The following LIMCH1 variants were observed in gnomAD, a reference collection of about 807,000 sequenced individuals.
LIMCH1 encodes LIM and calponin homology domains-containing protein 1.
In LIMCH1, 113 loss-of-function variants were observed where a neutral mutation model predicts 176.5. The ratio of observed to expected loss-of-function variants is 0.64; its 90% CI spans 0.55 to 0.75. The LOEUF (loss-of-function observed/expected upper bound fraction) is 0.75. Among genes scored for constraint, LIMCH1 ranks in the 30% least tolerant of loss-of-function variants. LIMCH1 has a pLI of 0.00. For synonymous variants in LIMCH1, 619 were observed against 645.9 expected, an observed-to-expected ratio of 0.96 and a Z score of 0.63; for missense variants, 1,674 against 1,814.9, an observed-to-expected ratio of 0.92 and a Z score of 1.41.
At position 41,697,151 on chromosome 4, in the gene LIMCH1, T is replaced by C. The variant is rs375548647; in HGVS notation, c.4379-9T>C. The C allele has an allele frequency of 1.2e-6, 2 of 1,613,280 alleles. No homozygotes were observed. Among genetic ancestry groups the C allele is most frequent in the African/African-American group, 1.3e-5 (1 of 74,900 alleles). On this transcript the variant is annotated splice_polypyrimidine_tract_variant and intron_variant, in intron 31 of 31. Coordinates refer to ENST00000503057, the MANE Select transcript of LIMCH1 (RefSeq NM_001330672.2). Reference sequence around the variant, plus strand: ...CACTCTTGTTTGTTGTTGTTTGTTTTAATCACAGGTGCCGGGCAGCCTACA... The same window carrying C: ...CACTCTTGTTTGTTGTTGTTTGTTTCAATCACAGGTGCCGGGCAGCCTACA...
intron 1 of LIMCH1, among the ~76,000 whole-genome samples, chr4:41,553,973 G>C (rs778135682): frequency 2.0e-5 from 3 of 152,172 alleles, no homozygotes; most frequent in Non-Finnish European, 4.4e-5. Context: ...AGCAAGTCAG[G>C]TTCAGGAGAA....
At chr4:41,611,941 C>A (rs1035305745) in intron 4 of LIMCH1, among the ~76,000 whole-genome samples, 2 of 152,108 alleles carry the variant, frequency 1.3e-5, no homozygotes, top group African/African-American at 4.8e-5. Flanking sequence ...TTGTTCAAGT[C>A]CTGGTTAACT....
chr4:41,499,343 G>A (rs1002115058), intron 2 of LIMCH1, among the ~76,000 whole-genome samples: 7 of 152,246 alleles, frequency 4.6e-5, no homozygotes, highest in African/African-American at 1.7e-4. Flanking sequence ...CCATTTGAAT[G>A]TAAGATGCAA....
At chr4:41,567,167 GA>G (rs1219247965) in intron 1 of LIMCH1, among the ~76,000 whole-genome samples, 1 of 152,176 alleles carries the variant, frequency 6.6e-6, no homozygotes, top group Non-Finnish European at 1.5e-5. Flanking sequence ...TTAAGGGGGG[GA>G]CCTGCTTGGA....
chr4:41,594,273 T>C (rs2088266310), intron 1 of LIMCH1, among the ~76,000 whole-genome samples: 1 of 152,250 alleles, frequency 6.6e-6, no homozygotes. Context: ...TACATGACAT[T>C]GACTTTTTTG....
At chr4:41,474,204 G>A (rs2067390204) in intron 1 of LIMCH1, among the ~76,000 whole-genome samples, 1 of 145,740 alleles carries the variant, frequency 6.9e-6, no homozygotes, top group Non-Finnish European at 1.5e-5. Flanking sequence ...AACAAAAATG[G>A]GTGGTCAGGC....
intron 18 of LIMCH1, among the ~76,000 whole-genome samples, chr4:41,654,052 A>C (rs947407515): frequency 9.2e-5 from 14 of 152,210 alleles, no homozygotes; most frequent in African/African-American, 3.1e-4. Flanking sequence ...TAGAAGAATA[A>C]ACTTCTAAAC....
At chr4:41,664,732 C>T (rs2094762463) in intron 20 of LIMCH1, among the ~76,000 whole-genome samples, 1 of 152,174 alleles carries the variant, frequency 6.6e-6, no homozygotes, top group Admixed American at 6.5e-5. Context: ...CATTGCGAAC[C>T]TCATCTGTGG....
At chr4:41,604,137 A>G in intron 3 of LIMCH1, 1 of 912,004 alleles carries the variant, frequency 1.1e-6, no homozygotes, top group African/African-American at 1.8e-5. Context: ...AGAAATAAAC[A>G]AGTGAAAGCT....
chr4:41,699,276 A>G lies in LIMCH1; in HGVS notation c.*2091A>G, dbSNP rs897887595. On this transcript the variant is annotated 3_prime_UTR_variant, in exon 32 of 32. Coordinates refer to ENST00000503057, the MANE Select transcript of LIMCH1 (RefSeq NM_001330672.2). The stretch of plus-strand genomic sequence containing the variant: ...TCTGGTTTCACAAACCCATTTATAC[A>G]TATTTCTTAGTGAGGCTCATTGTAC... 5 of 152,178 alleles carry G rather than the reference A, an allele frequency of 3.3e-5. No homozygotes were observed. The highest frequency in any genetic ancestry group is 7.2e-5 in the African/African-American group (3 of 41,442). 9.4% of individuals were successfully genotyped at this position (152,178 alleles called of 1,614,324 possible). A position where few individuals can be genotyped will look rare whatever the true frequency, so the allele number is the denominator to read the frequency against.
chr4:41,374,476 C>T (rs1361176753), intron 1 of LIMCH1, among the ~76,000 whole-genome samples: 2 of 152,092 alleles, frequency 1.3e-5, no homozygotes, highest in East Asian at 1.9e-4. Context: ...TAACTTCCAT[C>T]AAGAGTTGTA....
At chr4:41,530,390 A>C (rs1433062634) in intron 3 of LIMCH1, among the ~76,000 whole-genome samples, 3 of 152,150 alleles carry the variant, frequency 2.0e-5, no homozygotes, top group Non-Finnish European at 4.4e-5. Flanking sequence ...GCCTCAACTC[A>C]TCCTGATCAA....
intron 31 of LIMCH1, among the ~76,000 whole-genome samples, chr4:41,695,159 C>T (rs949547470): frequency 4.0e-5 from 6 of 151,766 alleles, no homozygotes; most frequent in African/African-American, 1.5e-4. Context: ...TTAGTTTTCC[C>T]ACTCTGTGAT....
chr4:41,454,179 C>G (rs1019256283), intron 1 of LIMCH1, among the ~76,000 whole-genome samples: 1 of 152,120 alleles, frequency 6.6e-6, no homozygotes, highest in African/African-American at 2.4e-5. Context: ...CCATCATTAG[C>G]AGTTACATGC....
chr4:41,689,508 T>C lies in LIMCH1; in HGVS notation c.4167-19T>C. On this transcript the variant is annotated intron_variant, in intron 29 of 31. Transcript: ENST00000503057. Reference sequence around the variant, plus strand: ...TTCTAAACTGAAGTTTTTATTCTTATGTATATTTTTAAACCTAGGTCTATA... The same window carrying C: ...TTCTAAACTGAAGTTTTTATTCTTACGTATATTTTTAAACCTAGGTCTATA... 2 of 1,342,020 alleles carry C rather than the reference T, an allele frequency of 1.5e-6. No individual in the cohort carries two copies. The highest frequency in any genetic ancestry group is 2.1e-6 in the Non-Finnish European group (2 of 932,380). 83.1% of individuals were successfully genotyped at this position (1,342,020 alleles called of 1,614,324 possible).
chr4:41,635,004 G>C (rs2093507656), intron 13 of LIMCH1, among the ~76,000 whole-genome samples: 1 of 152,138 alleles, frequency 6.6e-6, no homozygotes, highest in African/African-American at 2.4e-5. Flanking sequence ...CTGCCTACTG[G>C]ATACATTTAG....
At chr4:41,511,426 C>T (rs748356303) in intron 2 of LIMCH1, among the ~76,000 whole-genome samples, 2 of 152,214 alleles carry the variant, frequency 1.3e-5, no homozygotes, top group African/African-American at 4.8e-5. Context: ...CCATACATCC[C>T]GAAGTGGAGA....
intron 2 of LIMCH1, among the ~76,000 whole-genome samples, chr4:41,498,455 A>T (rs1465154317): frequency 6.6e-6 from 1 of 152,126 alleles, no homozygotes; most frequent in Non-Finnish European, 1.5e-5. Context: ...TTTTTGCCAT[A>T]CTCATGTCTC....
chr4:41,673,393 A>G (rs1022828674), intron 22 of LIMCH1, among the ~76,000 whole-genome samples: 3 of 152,220 alleles, frequency 2.0e-5, no homozygotes, highest in African/African-American at 7.2e-5. Flanking sequence ...AAAGAAACAC[A>G]TTCGCATTTC....
Sources: allele counts gnomAD v4.1 joint callset (sites outside exome capture counted in the v4.1 genomes callset), GRCh38; gene constraint gnomAD v4.1.1; transcripts MANE v1.5; gene names NCBI Gene and HGNC (gene_info 2026-07-23, HGNC 2026-07-21).